The following MECOM variants were observed in gnomAD, a reference collection of about 807,000 sequenced individuals.
The protein encoded by MECOM is histone-lysine N-methyltransferase MECOM.
In MECOM, 13 loss-of-function variants were observed where a neutral mutation model predicts 116.3. The ratio of observed to expected loss-of-function variants is 0.11; its 90% CI spans 0.07 to 0.18. The LOEUF is 0.18. Among genes scored for constraint, MECOM ranks in the 10% least tolerant of loss-of-function variants. MECOM has a pLI of 1.00. For synonymous variants in MECOM, 528 were observed against 535.2 expected (o/e 0.99, Z 0.19); for missense variants, 1,299 against 1,509.0 (o/e 0.86, Z 2.31).
chr3:169,495,646 G>GA (rs1753721633), intron 1 of MECOM, among the ~76,000 whole-genome samples: 1 of 152,152 alleles, frequency 6.6e-6, no homozygotes, highest in East Asian at 1.9e-4. Flanking sequence ...TTCTTTCCAT[G>GA]GCTTTTCCAA....
At chr3:169,088,506 T>C (rs898309300) in intron 16 of MECOM, among the ~76,000 whole-genome samples, 1 of 152,136 alleles carries the variant, frequency 6.6e-6, no homozygotes, top group Admixed American at 6.5e-5. Context: ...ACTCACTTCC[T>C]TTCTGATCCT....
At chr3:169,465,655 A>G (rs17559919) in intron 1 of MECOM, among the ~76,000 whole-genome samples, 8,860 of 152,308 alleles carry the variant, frequency 0.058, 290 homozygotes, top group East Asian at 0.081. Flanking sequence ...TAACAGAGCT[A>G]TTGAACACTT....
chr3:169,378,542 GAA>G (rs1377314566), intron 2 of MECOM, among the ~76,000 whole-genome samples: 4 of 118,824 alleles, frequency 3.4e-5, no homozygotes, highest in African/African-American at 1.1e-4. Flanking sequence ...AAGAAAGAAA[GAA>G]AGAAAGAAAG....
chr3:169,437,144 T>C (rs990223319), intron 1 of MECOM, among the ~76,000 whole-genome samples: 1 of 152,200 alleles, frequency 6.6e-6, no homozygotes, highest in Non-Finnish European at 1.5e-5. Context: ...TTTCTCCATC[T>C]CCCAGATAAG....
At chr3:169,560,134 T>A (rs1019406657) in intron 1 of MECOM, among the ~76,000 whole-genome samples, 1 of 152,360 alleles carries the variant, frequency 6.6e-6, no homozygotes, top group South Asian at 2.1e-4. Flanking sequence ...CCGAAATTAA[T>A]GAACCACATT....
At position 169,378,509 on chromosome 3, in the gene MECOM, GAAAGA is replaced by G. The variant is rs530619641; in HGVS notation, c.375+2673_375+2677del. ...AGAGAGAAAGAAAGAAAGAAAGAAA[GAAAGA>G]AAAGAAAGAAAGAAAGAAAGAAAGA... On this transcript the variant is annotated intron_variant, in intron 2 of 16. Coordinates refer to ENST00000651503, the MANE Select transcript of MECOM (RefSeq NM_004991.4). Among the ~76,000 whole-genome samples the G allele has an allele frequency of 5.0e-3, 139 of 28,032 alleles. 8 individuals are homozygous for G. Among genetic ancestry groups the G allele is most frequent in the African/African-American group, 0.011 (50 of 4,558 alleles). 18.4% of individuals were successfully genotyped at this position (28,032 alleles called of 152,430 possible). A position where few individuals can be genotyped will look rare whatever the true frequency, so the allele number is the denominator to read the frequency against.
intron 2 of MECOM, among the ~76,000 whole-genome samples, chr3:169,233,514 T>G (rs1753667501): frequency 1.3e-5 from 2 of 152,102 alleles, no homozygotes; most frequent in African/African-American, 2.4e-5. Flanking sequence ...TGAGCATCTG[T>G]TTTTTTCTCA....
Position 169,126,132 on chromosome 3 carries a change from T to C in MECOM, c.830+1712A>G, listed in dbSNP as rs560743493. On this transcript the variant is annotated intron_variant, in intron 5 of 16. Transcript: ENST00000651503. ...GCAATGACAGATAATTAGATTTCCT[T>C]ATTGTTTTCTACTAAATGTTTGACT... Among the ~76,000 whole-genome samples the C allele has an allele frequency of 3.3e-5, 5 of 152,222 alleles. No homozygotes were observed. The East Asian group carries it at 9.6e-4, about 29-fold the overall frequency.
At chr3:169,242,182 G>A (rs1754912280) in intron 2 of MECOM, among the ~76,000 whole-genome samples, 1 of 152,102 alleles carries the variant, frequency 6.6e-6, no homozygotes, top group Non-Finnish European at 1.5e-5. Flanking sequence ...ACCACGAGAG[G>A]AGCCTTCTTC....
intron 2 of MECOM, among the ~76,000 whole-genome samples, chr3:169,325,456 G>C (rs1472652923): frequency 6.6e-6 from 1 of 152,110 alleles, no homozygotes; most frequent in Non-Finnish European, 1.5e-5. Flanking sequence ...CTTCATAAAG[G>C]GTAAATTTAG....
intron 12 of MECOM, among the ~76,000 whole-genome samples, chr3:169,095,476 C>T (rs1576866580): frequency 1.3e-5 from 2 of 152,258 alleles, no homozygotes; most frequent in East Asian, 1.9e-4. Flanking sequence ...GATTTGATTG[C>T]TCCCAAATTC....
chr3:169,426,662 A>T (rs1740752821), intron 1 of MECOM, among the ~76,000 whole-genome samples: 1 of 152,230 alleles, frequency 6.6e-6, no homozygotes, highest in Non-Finnish European at 1.5e-5. Context: ...TATAGCAGTC[A>T]CAAATTTAGT....
intron 3 of MECOM, among the ~76,000 whole-genome samples, chr3:169,142,518 TA>T (rs1450058725): frequency 6.6e-6 from 1 of 151,982 alleles, no homozygotes; most frequent in East Asian, 1.9e-4. Context: ...AATCAATAGC[TA>T]ATTTAATAAT....
intron 1 of MECOM, among the ~76,000 whole-genome samples, chr3:169,548,991 T>C (rs966061241): frequency 6.0e-5 from 7 of 116,102 alleles, no homozygotes; most frequent in Non-Finnish European, 1.1e-4. Context: ...TTTTTTTTTT[T>C]GAGACGAAGT....
intron 1 of MECOM, among the ~76,000 whole-genome samples, chr3:169,393,250 C>T (rs1734509353): frequency 1.3e-5 from 2 of 152,192 alleles, no homozygotes; most frequent in Admixed American, 1.3e-4. Flanking sequence ...TGTATTCAAA[C>T]GAGGACTGGC....
At chr3:169,266,472 G>A (rs1436319294) in intron 2 of MECOM, among the ~76,000 whole-genome samples, 1 of 152,148 alleles carries the variant, frequency 6.6e-6, no homozygotes, top group Non-Finnish European at 1.5e-5. Flanking sequence ...GATTTTTGTT[G>A]TCATCTATGA....
intron 2 of MECOM, among the ~76,000 whole-genome samples, chr3:169,321,039 A>G (rs1017137156): frequency 6.6e-6 from 1 of 152,186 alleles, no homozygotes; most frequent in Admixed American, 6.5e-5. Context: ...TCTGTGCTTC[A>G]AAGCTGGTGT....
At chr3:169,149,538 C>A in intron 2 of MECOM, 1 of 281,172 alleles carries the variant, frequency 3.6e-6, no homozygotes, top group Non-Finnish European at 7.4e-6. Flanking sequence ...CTCCAGCCAC[C>A]CAGGTGAACC....
intron 2 of MECOM, among the ~76,000 whole-genome samples, chr3:169,184,433 G>A (rs1010578025): frequency 6.6e-6 from 1 of 152,164 alleles, no homozygotes; most frequent in South Asian, 2.1e-4. Flanking sequence ...AGCTAAAGAC[G>A]TTTGGAATTA....
Sources: gnomAD v4.1 joint callset for allele counts (sites outside exome capture counted in the v4.1 genomes callset) on GRCh38, gnomAD v4.1.1 for gene constraint, MANE v1.5 for transcripts, NCBI Gene and HGNC (gene_info 2026-07-23, HGNC 2026-07-21) for gene names.